The following PHKA2 variants were observed in gnomAD, a reference collection of about 807,000 sequenced individuals.
PHKA2 encodes phosphorylase kinase regulatory subunit alpha 2, also known as phosphorylase b kinase regulatory subunit alpha, liver isoform.
Under a neutral mutation model 102.0 loss-of-function variants are expected in PHKA2, and 31 were observed. The ratio of observed to expected loss-of-function variants is 0.30; its 90% CI spans 0.23 to 0.41. The LOEUF is 0.41. Among genes scored for constraint, PHKA2 ranks in the 10% least tolerant of loss-of-function variants. The pLI is 1.00. For missense variants in PHKA2, 858 were observed against 1,023.1 expected (o/e 0.84, Z 2.20); for synonymous variants, 455 against 416.2 (o/e 1.09, Z -1.13).
At chrX:18,917,405 C>T (rs148396454) in intron 19 of PHKA2, among the ~76,000 whole-genome samples, 6,334 of 108,677 alleles carry the variant, frequency 0.058, 204 homozygotes, top group Non-Finnish European at 0.086. Context: ...ATTACAGGTG[C>T]AGGCCACCAA....
intron 1 of PHKA2, among the ~76,000 whole-genome samples, chrX:18,957,597 G>A (rs1320498907): frequency 9.1e-6 from 1 of 110,062 alleles, no homozygotes; most frequent in Non-Finnish European, 1.9e-5. Flanking sequence ...GTAACCATAA[G>A]CAGATAGATG....
At chrX:18,900,569 G>T in intron 28 of PHKA2, 101 bp downstream of exon 28, 2 of 789,135 alleles carry the variant, frequency 2.5e-6, no homozygotes, top group Non-Finnish European at 2.0e-6. Flanking sequence ...GGATAGAGCC[G>T]CCCTCTACAC....
chrX:18,928,181 G>A (rs1185047903), intron 13 of PHKA2, among the ~76,000 whole-genome samples: 1 of 111,972 alleles, frequency 8.9e-6, no homozygotes. Context: ...CACACCTACA[G>A]CTGCCAGCTG....
At chrX:18,909,216 G>A (rs191744090) in intron 20 of PHKA2, among the ~76,000 whole-genome samples, 195 of 112,098 alleles carry the variant, frequency 1.7e-3, no homozygotes, top group African/African-American at 5.7e-3. Context: ...TCTGGTGTTA[G>A]GAATCATGAC....
intron 1 of PHKA2, among the ~76,000 whole-genome samples, chrX:18,965,149 C>T (rs978450847): frequency 5.4e-5 from 6 of 112,066 alleles, no homozygotes; most frequent in Admixed American, 9.5e-5. Flanking sequence ...TCACACAAAC[C>T]GCTCTGGGCT....
intron 29 of PHKA2, 44 bp downstream of exon 29, chrX:18,899,129 G>C: frequency 1.8e-6 from 2 of 1,116,059 alleles, no homozygotes; most frequent in Non-Finnish European, 2.5e-6. Flanking sequence ...GGAAGGACGC[G>C]AGGAGGAGCG....
At chrX:18,925,145 A>G (rs113404812) in intron 15 of PHKA2, among the ~76,000 whole-genome samples, 12,217 of 112,108 alleles carry the variant, frequency 0.11, 1,424 homozygotes, top group African/African-American at 0.35. Flanking sequence ...GTAAGCAGGG[A>G]TTGTGCCCTG....
At chrX:18,983,703 TG>T in intron 1 of PHKA2, 151 bp downstream of exon 1, 1 of 533,926 alleles carries the variant, frequency 1.9e-6, no homozygotes, top group Non-Finnish European at 3.4e-6. Context: ...GGGGTGGCAA[TG>T]GGGTGGTAAT....
intron 11 of PHKA2, 151 bp downstream of exon 11, chrX:18,935,904 C>CCG: frequency 4.0e-6 from 2 of 497,268 alleles, no homozygotes; most frequent in South Asian, 5.2e-5. Flanking sequence ...GCGTGAGCCA[C>CCG]CGCGCCCAGC....
At chrX:18,924,171 C>A (rs1204697004) in intron 16 of PHKA2, 37 bp from the exon 17 acceptor site, 1 of 1,078,114 alleles carries the variant, frequency 9.3e-7, no homozygotes, top group Non-Finnish European at 1.3e-6. Context: ...TTAGTCTGGG[C>A]AGACTTTTTT....
intron 7 of PHKA2, among the ~76,000 whole-genome samples, chrX:18,942,820 C>A (rs1470060881): frequency 9.5e-6 from 1 of 105,659 alleles, no homozygotes; most frequent in Non-Finnish European, 1.9e-5. Flanking sequence ...TGCACTCCAG[C>A]CTAGGCGATA....
rs2047442619 is a variant in PHKA2, at chrX:18,892,572, G to A, written c.*913C>T. 8.9e-6 allele frequency: 1 copy of A among 111,836 alleles called. No homozygotes were observed. 9.2% of individuals were successfully genotyped at this position (111,836 alleles called of 1,213,427 possible). A position where few individuals can be genotyped will look rare whatever the true frequency, so the allele number is the denominator to read the frequency against. On this transcript the variant is annotated 3_prime_UTR_variant, in exon 33 of 33. Transcript: ENST00000379942. ...TTTTTCAGAGGGAAGCATTGTTTCT[G>A]CGGGGACATGCCTGTTCACTTCCAT...
intron 1 of PHKA2, among the ~76,000 whole-genome samples, chrX:18,955,663 A>T (rs2048763468): frequency 8.9e-6 from 1 of 112,018 alleles, no homozygotes; most frequent in African/African-American, 3.2e-5. Context: ...GCTTAAAAAA[A>T]TTACATTACT....
intron 29 of PHKA2, 72 bp from the exon 30 acceptor site, chrX:18,897,405 G>C: frequency 5.8e-6 from 6 of 1,039,567 alleles, no homozygotes; most frequent in Non-Finnish European, 7.8e-6. Flanking sequence ...CCATCTCGAA[G>C]GGCGGCCCTG....
intron 28 of PHKA2, among the ~76,000 whole-genome samples, chrX:18,899,532 C>T (rs12006945): frequency 0.034 from 3,854 of 112,319 alleles, 179 homozygotes; most frequent in African/African-American, 0.12. Flanking sequence ...CAAGTTAGGA[C>T]ACTATTTATT....
At chrX:18,933,164 G>C (rs1336497549) in intron 11 of PHKA2, among the ~76,000 whole-genome samples, 1 of 110,648 alleles carries the variant, frequency 9.0e-6, no homozygotes, top group Non-Finnish European at 1.9e-5. Flanking sequence ...ATTCAATAGA[G>C]AGCAGACAAG....
intron 1 of PHKA2, among the ~76,000 whole-genome samples, chrX:18,969,295 C>G (rs2048987971): frequency 9.0e-6 from 1 of 111,063 alleles, no homozygotes; most frequent in African/African-American, 3.3e-5. Context: ...ACCTTTCAAG[C>G]AAAAATGGTG....
chrX:18,895,035 A>G (rs1301821434), intron 31 of PHKA2, 103 bp downstream of exon 31: 3 of 816,737 alleles, frequency 3.7e-6, no homozygotes, highest in Non-Finnish European at 5.6e-6. Context: ...TGGCCTGTCA[A>G]TTAGAATGAG....
intron 1 of PHKA2, among the ~76,000 whole-genome samples, chrX:18,977,708 A>C (rs1162191834): frequency 1.8e-5 from 2 of 112,015 alleles, no homozygotes; most frequent in African/African-American, 3.2e-5. Context: ...AAATTTTCAA[A>C]GTCTACTCGG....
Sources: gnomAD v4.1 joint callset for allele counts (sites outside exome capture counted in the v4.1 genomes callset) on GRCh38, gnomAD v4.1.1 for gene constraint, MANE v1.5 for transcripts, NCBI Gene and HGNC (gene_info 2026-07-23, HGNC 2026-07-21) for gene names.